TMEM117: variants seen among roughly 807,000 people sequenced by gnomAD.
TMEM117 encodes transmembrane protein 117.
A neutral mutation model predicts 52.4 loss-of-function variants in TMEM117; 27 were observed. The observed-to-expected ratio is 0.51, with a 90% CI of 0.38 to 0.71. The LOEUF is 0.71. TMEM117 is among the 30% of genes least tolerant of loss of function. TMEM117 has a pLI of 0.00. For synonymous variants in TMEM117, 215 were observed against 206.3 expected, an observed-to-expected ratio of 1.04 and a Z score of -0.36; for missense variants, 556 against 630.5, an observed-to-expected ratio of 0.88 and a Z score of 1.26.
At chr12:44,303,958 A>C (rs976101165) in intron 6 of TMEM117, among the ~76,000 whole-genome samples, 1 of 152,226 alleles carries the variant, frequency 6.6e-6, no homozygotes, top group Non-Finnish European at 1.5e-5. Context: ...AAATATCCAA[A>C]TAGAACCTTC....
intron 4 of TMEM117, among the ~76,000 whole-genome samples, chr12:44,197,455 A>G (rs1592598496): frequency 6.6e-6 from 1 of 152,152 alleles, no homozygotes; most frequent in African/African-American, 2.4e-5. Context: ...ATCATATAAT[A>G]TTGGGCTAAT....
intron 2 of TMEM117, among the ~76,000 whole-genome samples, chr12:43,935,014 A>G (rs1044777121): frequency 1.4e-4 from 21 of 151,636 alleles, no homozygotes; most frequent in Non-Finnish European, 2.4e-4. Flanking sequence ...TTTATTTTTT[A>G]TTTTTTTGTT....
intron 2 of TMEM117, among the ~76,000 whole-genome samples, chr12:43,866,784 A>G (rs181947497): frequency 1.5e-3 from 231 of 152,244 alleles, no homozygotes; most frequent in Non-Finnish European, 2.4e-3. Context: ...TTTTTCCTTA[A>G]TTTTTTTAAA....
chr12:44,318,346 C>T (rs1275381427), intron 6 of TMEM117: 1 of 152,196 alleles, frequency 6.6e-6, no homozygotes, highest in Non-Finnish European at 1.5e-5. Flanking sequence ...AGAGGCCCTG[C>T]TACACTCTAA....
chr12:44,356,494 G>A (rs993801492), intron 6 of TMEM117, among the ~76,000 whole-genome samples: 1 of 152,004 alleles, frequency 6.6e-6, no homozygotes, highest in Non-Finnish European at 1.5e-5. Flanking sequence ...TTTGTCTGGG[G>A]TTTTTCTTTC....
At chr12:44,198,175 C>T (rs986306591) in intron 4 of TMEM117, among the ~76,000 whole-genome samples, 3 of 151,982 alleles carry the variant, frequency 2.0e-5, no homozygotes, top group African/African-American at 4.8e-5. Context: ...TTGTGTAAGA[C>T]GGATCATATA....
rs1340360601 is a variant in TMEM117, at chr12:43,927,467, C to T, written c.278-16743C>T. Among the ~76,000 whole-genome samples, 3 of 150,488 alleles carry T rather than the reference C, an allele frequency of 2.0e-5. No homozygotes were observed. In the East Asian group the frequency reaches 5.8e-4, roughly 29 times the overall value. On this transcript the variant is annotated intron_variant, in intron 2 of 7. Transcript: ENST00000266534. ...TGTTTTTGGTTTTTTTTTTGGTTTG[C>T]ATGACTTATTAAATGAGAGAGGAAT...
intron 6 of TMEM117, among the ~76,000 whole-genome samples, chr12:44,354,017 C>T (rs1490736567): frequency 1.3e-5 from 2 of 152,120 alleles, no homozygotes; most frequent in African/African-American, 4.8e-5. Flanking sequence ...CTTCACATCC[C>T]TTGTAAGTTG....
At chr12:43,883,761 CAA>C (rs10718021) in intron 2 of TMEM117, among the ~76,000 whole-genome samples, 142 of 140,574 alleles carry the variant, frequency 1.0e-3, no homozygotes, top group East Asian at 9.9e-4. Context: ...GTATGAAAGA[CAA>C]AAAAAAAAAC....
intron 3 of TMEM117, among the ~76,000 whole-genome samples, chr12:43,999,711 C>G (rs1447747135): frequency 6.6e-6 from 1 of 152,054 alleles, no homozygotes. Context: ...AACCTTGTGT[C>G]AAACTCCTGA....
intron 5 of TMEM117, among the ~76,000 whole-genome samples, chr12:44,216,678 A>C (rs528229195): frequency 6.3e-4 from 96 of 152,322 alleles, no homozygotes; most frequent in Non-Finnish European, 1.0e-3. Flanking sequence ...TTATAGTGGC[A>C]AAGCAGTTGG....
chr12:44,299,462 T>C (rs1950811044), intron 5 of TMEM117, 118 bp from the exon 6 acceptor site: 2 of 1,315,776 alleles, frequency 1.5e-6, no homozygotes, highest in South Asian at 1.6e-5. Flanking sequence ...TTGGCTAATA[T>C]ACCTTAGGGT....
intron 4 of TMEM117, among the ~76,000 whole-genome samples, chr12:44,165,876 C>T (rs1948960218): frequency 6.6e-6 from 1 of 152,162 alleles, no homozygotes; most frequent in Non-Finnish European, 1.5e-5. Context: ...CCAAATGGAC[C>T]TAACAGACTT....
chr12:44,014,921 C>T (rs1565792790), intron 3 of TMEM117, among the ~76,000 whole-genome samples: 1 of 152,016 alleles, frequency 6.6e-6, no homozygotes, highest in Non-Finnish European at 1.5e-5. Context: ...GGCACACTAC[C>T]TTGCATCTAG....
chr12:44,321,620 T>G (rs1459026077), intron 6 of TMEM117, among the ~76,000 whole-genome samples: 1 of 152,134 alleles, frequency 6.6e-6, no homozygotes, highest in Admixed American at 6.6e-5. Flanking sequence ...TCCTTGAGAA[T>G]GGAGAGATGG....
At chr12:44,208,158 A>G (rs932592042) in intron 4 of TMEM117, among the ~76,000 whole-genome samples, 5 of 152,136 alleles carry the variant, frequency 3.3e-5, no homozygotes, top group Non-Finnish European at 7.4e-5. Flanking sequence ...ATTGTTTTTT[A>G]CAATCATTTA....
upstream of TMEM117, among the ~76,000 whole-genome samples, chr12:43,833,277 T>C (rs1942992779): frequency 6.6e-6 from 1 of 152,194 alleles, no homozygotes; most frequent in African/African-American, 2.4e-5. Context: ...TCTGATGAAC[T>C]GAAGTTGATT....
In TMEM117 at chr12:43,898,811, C is replaced by T. The variant is rs1176563935; in HGVS notation, c.278-45399C>T. Among the ~76,000 whole-genome samples the T allele has an allele frequency of 8.5e-5, 13 of 152,142 alleles. No individual in the cohort carries two copies. The South Asian group carries it at 1.2e-3, about 15-fold the overall frequency. ...GATTCATTAGCATTTGCAACAGAAC[C>T]GGAGAGTCTAAGAAGATCTACCGAA... On this transcript the variant is annotated intron_variant, in intron 2 of 7. Transcript: ENST00000266534.
chr12:44,048,087 T>G (rs1946908049), intron 3 of TMEM117, among the ~76,000 whole-genome samples: 2 of 152,190 alleles, frequency 1.3e-5, no homozygotes, highest in South Asian at 4.1e-4. Context: ...AATTTTTTGT[T>G]TATTGTGTCA....
Sources: allele counts gnomAD v4.1 joint callset (sites outside exome capture counted in the v4.1 genomes callset), GRCh38; gene constraint gnomAD v4.1.1; transcripts MANE v1.5; gene names NCBI Gene and HGNC (gene_info 2026-07-23, HGNC 2026-07-21).